Variants in FRMD4A observed in about 807,000 individuals in gnomAD.
FRMD4A encodes FERM domain-containing protein 4A.
In FRMD4A, 29 loss-of-function variants were observed where a neutral mutation model predicts 129.1. The observed-to-expected ratio is 0.22, with a 90% confidence interval of 0.17 to 0.31. FRMD4A has a LOEUF of 0.31. Among genes scored for constraint, FRMD4A ranks in the 10% least tolerant of loss-of-function variants. The probability of loss-of-function intolerance (pLI) is 1.00; values close to 1 mark genes in which losing one functional copy is unlikely to be tolerated. For synonymous variants in FRMD4A, 634 were observed against 571.6 expected (o/e 1.11, Z -1.56); for missense variants, 1,272 against 1,375.8 (o/e 0.92, Z 1.19).
At chr10:13,817,570 G>C (rs980687629) in intron 3 of FRMD4A, among the ~76,000 whole-genome samples, 3 of 152,190 alleles carry the variant, frequency 2.0e-5, no homozygotes, top group African/African-American at 7.2e-5. Context: ...TGAATCATGG[G>C]TGTGGTTCCC....
intron 7 of FRMD4A, 124 bp downstream of exon 7, chr10:13,762,500 G>A (rs112133920): frequency 1.7e-5 from 11 of 636,344 alleles, no homozygotes; most frequent in African/African-American, 1.5e-4. Context: ...TGCAGCTTGT[G>A]GCTAAAAAAA....
chr10:14,226,548 TC>T (rs1397622415), intron 2 of FRMD4A, among the ~76,000 whole-genome samples: 2 of 152,168 alleles, frequency 1.3e-5, no homozygotes, highest in Non-Finnish European at 2.9e-5. Flanking sequence ...ACTGGAAGGA[TC>T]CCTTATAGGC....
intron 17 of FRMD4A, chr10:13,667,426 G>A (rs10796110): frequency 0.37 from 52,711 of 143,350 alleles, 10,458 homozygotes; most frequent in East Asian, 0.78. Flanking sequence ...CTTTAGCCAA[G>A]AAGTACGGAT....
At chr10:14,231,752 T>A (rs1217984909) in intron 2 of FRMD4A, among the ~76,000 whole-genome samples, 1 of 152,184 alleles carries the variant, frequency 6.6e-6, no homozygotes, top group Non-Finnish European at 1.5e-5. Context: ...TTGTTTATGT[T>A]TTTTGCTCAT....
intron 13 of FRMD4A, among the ~76,000 whole-genome samples, chr10:13,702,913 GAAA>G (rs34246612): frequency 0.29 from 38,094 of 131,722 alleles, 5,471 homozygotes; most frequent in East Asian, 0.35. Context: ...AAAAGTGAAG[GAAA>G]AAAAAAAAAA....
intron 12 of FRMD4A, among the ~76,000 whole-genome samples, chr10:13,717,342 C>T (rs904820346): frequency 1.3e-5 from 2 of 152,120 alleles, no homozygotes; most frequent in Non-Finnish European, 2.9e-5. Context: ...GAGATGGAGT[C>T]TTGCTCTGTT....
At chr10:14,218,143 CT>C (rs1383398248) in intron 2 of FRMD4A, among the ~76,000 whole-genome samples, 1 of 152,092 alleles carries the variant, frequency 6.6e-6, no homozygotes, top group African/African-American at 2.4e-5. Context: ...TTCTACTCTG[CT>C]TTTTTTGCAA....
chr10:14,023,556 G>A (rs570212527), intron 2 of FRMD4A, among the ~76,000 whole-genome samples: 252 of 152,276 alleles, frequency 1.7e-3, no homozygotes, highest in Non-Finnish European at 2.1e-3. Flanking sequence ...CCTTTCAGCT[G>A]CCTTACCACC....
intron 2 of FRMD4A, among the ~76,000 whole-genome samples, chr10:14,319,367 T>TCTCTCTCA (rs112041665): frequency 6.9e-6 from 1 of 145,048 alleles, no homozygotes; most frequent in African/African-American, 2.7e-5. Context: ...TCTCTCTCTC[T>TCTCTCTCA]CACACACACA....
At chr10:13,839,938 C>T (rs536091630) in intron 3 of FRMD4A, among the ~76,000 whole-genome samples, 74 of 152,336 alleles carry the variant, frequency 4.9e-4, no homozygotes, top group African/African-American at 1.1e-3. Flanking sequence ...GTGCAGAAAG[C>T]AGAGGCCCAT....
At chr10:14,130,045 G>A (rs374326779) in intron 2 of FRMD4A, among the ~76,000 whole-genome samples, 1 of 151,992 alleles carries the variant, frequency 6.6e-6, no homozygotes, top group Non-Finnish European at 1.5e-5. Context: ...TCTGGCTGCC[G>A]CAGCGCTTGC....
chr10:13,820,000 T>C (rs1168650070), intron 3 of FRMD4A, among the ~76,000 whole-genome samples: 2 of 152,078 alleles, frequency 1.3e-5, no homozygotes, highest in East Asian at 3.9e-4. Flanking sequence ...CTGGGATATA[T>C]TGCCTCCTTA....
chr10:13,865,404 A>AT (rs372139721), intron 2 of FRMD4A, among the ~76,000 whole-genome samples: 9 of 70,000 alleles, frequency 1.3e-4, no homozygotes, highest in Non-Finnish European at 1.9e-4. Context: ...TATTTATTTT[A>AT]TTTGTTTTAT....
At chr10:13,746,550 G>T (rs932422412) in intron 9 of FRMD4A, among the ~76,000 whole-genome samples, 4 of 152,100 alleles carry the variant, frequency 2.6e-5, no homozygotes, top group African/African-American at 9.7e-5. Context: ...CCAGACACAC[G>T]AATCAGTGAA....
At chr10:13,947,700 A>C (rs1330260311) in intron 2 of FRMD4A, among the ~76,000 whole-genome samples, 1 of 152,144 alleles carries the variant, frequency 6.6e-6, no homozygotes. Flanking sequence ...TCCAGTGTTT[A>C]ATCTGTGCTT....
intron 2 of FRMD4A, among the ~76,000 whole-genome samples, chr10:13,897,894 G>A (rs2797874): frequency 0.67 from 99,162 of 147,412 alleles, 33,849 homozygotes; most frequent in Admixed American, 0.73. Flanking sequence ...GCTGAGATCC[G>A]TCATTGCACT....
intron 2 of FRMD4A, among the ~76,000 whole-genome samples, chr10:13,884,208 TCACACACACACACACACACACACA>T: frequency 1.2e-5 from 1 of 81,702 alleles, no homozygotes; most frequent in Non-Finnish European, 2.6e-5. Flanking sequence ...ACACACACAC[TCACACACACACACACACACACACA>T]CACACACACT....
intron 2 of FRMD4A, among the ~76,000 whole-genome samples, chr10:14,181,866 C>A (rs1054390004): frequency 1.3e-5 from 2 of 152,042 alleles, no homozygotes; most frequent in Non-Finnish European, 2.9e-5. Context: ...AATTTGTGTA[C>A]TTTTAGTTGA....
chr10:13,955,600 A>C (rs1380575680), intron 2 of FRMD4A, among the ~76,000 whole-genome samples: 1 of 152,226 alleles, frequency 6.6e-6, no homozygotes, highest in Non-Finnish European at 1.5e-5. Context: ...GCTAGAAACC[A>C]ACCCTTGAAG....
Sources: gnomAD v4.1 joint callset for allele counts (sites outside exome capture counted in the v4.1 genomes callset) on GRCh38, gnomAD v4.1.1 for gene constraint, MANE v1.5 for transcripts, NCBI Gene and HGNC (gene_info 2026-07-23, HGNC 2026-07-21) for gene names.